Variants in DGKB observed in about 807,000 individuals in gnomAD.
The protein encoded by DGKB is diacylglycerol kinase beta, also known as 90 kDa diacylglycerol kinase.
DGKB carries 67 observed loss-of-function variants against 114.3 expected under a neutral mutation model. That is an observed-to-expected ratio of 0.59 (90% CI 0.48 to 0.72). DGKB has a LOEUF of 0.72. Among genes scored for constraint, DGKB ranks in the 30% least tolerant of loss-of-function variants. The probability of loss-of-function intolerance (pLI) is 0.00; values close to 1 mark genes in which losing one functional copy is unlikely to be tolerated. For missense variants in DGKB, 907 were observed against 975.2 expected, an observed-to-expected ratio of 0.93 and a Z score of 0.93; for synonymous variants, 398 against 323.1, an observed-to-expected ratio of 1.23 and a Z score of -2.49.
At chr7:14,761,349 G>A (rs1835670559) in intron 2 of DGKB, among the ~76,000 whole-genome samples, 1 of 152,076 alleles carries the variant, frequency 6.6e-6, no homozygotes, top group Non-Finnish European at 1.5e-5. Flanking sequence ...ATGTCTTCTT[G>A]GACACCCAAA....
chr7:14,451,548 T>A (rs890700430), intron 21 of DGKB, among the ~76,000 whole-genome samples: 2 of 122,746 alleles, frequency 1.6e-5, no homozygotes, highest in East Asian at 4.0e-4. Context: ...TCTATCTGTC[T>A]CTCTCTCTCT....
At chr7:14,831,932 T>C (rs939899405) in intron 2 of DGKB, among the ~76,000 whole-genome samples, 3 of 150,928 alleles carry the variant, frequency 2.0e-5, no homozygotes, top group African/African-American at 4.9e-5. Context: ...CCAAAGCAAA[T>C]TGCAAAATTC....
intron 20 of DGKB, among the ~76,000 whole-genome samples, chr7:14,559,676 GA>G (rs1368251608): frequency 6.6e-6 from 1 of 152,058 alleles, no homozygotes; most frequent in East Asian, 1.9e-4. Flanking sequence ...TTGATGCATT[GA>G]AAATAAAATA....
chr7:14,725,291 G>A (rs1829851825), intron 5 of DGKB, among the ~76,000 whole-genome samples: 1 of 152,126 alleles, frequency 6.6e-6, no homozygotes, highest in Non-Finnish European at 1.5e-5. Flanking sequence ...AAATAGCAGT[G>A]GATAGCTAGT....
At chr7:14,879,265 G>T (rs1235343179) in intron 1 of DGKB, among the ~76,000 whole-genome samples, 2 of 151,746 alleles carry the variant, frequency 1.3e-5, no homozygotes, top group Non-Finnish European at 2.9e-5. Flanking sequence ...TTCCTGATTT[G>T]TCTATGTTAG....
chr7:14,860,663 T>C (rs114281013), intron 1 of DGKB, among the ~76,000 whole-genome samples: 3 of 151,956 alleles, frequency 2.0e-5, no homozygotes, highest in African/African-American at 7.2e-5. Context: ...AGATGATTTT[T>C]ACTGTTAGTT....
chr7:14,163,307 A>G (rs1324876689), intron 25 of DGKB, among the ~76,000 whole-genome samples: 6 of 152,184 alleles, frequency 3.9e-5, no homozygotes, highest in Non-Finnish European at 7.3e-5. Context: ...CTTGAGGGCC[A>G]GAAAGCATAC....
chr7:14,764,712 G>T (rs1466393250), intron 2 of DGKB, among the ~76,000 whole-genome samples: 1 of 151,506 alleles, frequency 6.6e-6, no homozygotes, highest in Non-Finnish European at 1.5e-5. Context: ...TCCTATGTAT[G>T]AATATATATT....
At chr7:14,506,870 G>A (rs1020969732) in intron 20 of DGKB, among the ~76,000 whole-genome samples, 1 of 152,148 alleles carries the variant, frequency 6.6e-6, no homozygotes. Flanking sequence ...TCTGGCCAGT[G>A]GATTGTAAGT....
chr7:14,404,922 T>C (rs1823700775), intron 21 of DGKB, among the ~76,000 whole-genome samples: 2 of 151,860 alleles, frequency 1.3e-5, no homozygotes, highest in South Asian at 4.1e-4. Flanking sequence ...TTCAGACCAG[T>C]GCTGTGTCCC....
At chr7:14,264,271 A>G (rs1340469006) in intron 23 of DGKB, among the ~76,000 whole-genome samples, 2 of 152,192 alleles carry the variant, frequency 1.3e-5, no homozygotes, top group African/African-American at 4.8e-5. Flanking sequence ...TCTTCTTAGG[A>G]TTAATGCATT....
intron 21 of DGKB, among the ~76,000 whole-genome samples, chr7:14,372,059 T>G (rs1209613505): frequency 6.6e-6 from 1 of 152,126 alleles, no homozygotes; most frequent in Admixed American, 6.6e-5. Flanking sequence ...CCAAGTGCCT[T>G]TCTCTTTCAG....
At chr7:14,446,994 C>A (rs765393039) in intron 21 of DGKB, among the ~76,000 whole-genome samples, 1 of 152,132 alleles carries the variant, frequency 6.6e-6, no homozygotes, top group East Asian at 1.9e-4. Context: ...AACTTAGGCA[C>A]AGGCACAATA....
chr7:14,788,552 T>A (rs762038308), intron 2 of DGKB, among the ~76,000 whole-genome samples: 13 of 152,270 alleles, frequency 8.5e-5, no homozygotes, highest in South Asian at 4.1e-4. Flanking sequence ...TGTGCCACTA[T>A]CCACTTACCC....
intron 21 of DGKB, among the ~76,000 whole-genome samples, chr7:14,477,634 T>C (rs1230475048): frequency 6.6e-6 from 1 of 152,180 alleles, no homozygotes; most frequent in African/African-American, 2.4e-5. Context: ...ATTGCTCTTA[T>C]GAGGAAAGAA....
At chr7:14,575,600 T>C (rs1346474307) in intron 19 of DGKB, among the ~76,000 whole-genome samples, 1 of 152,178 alleles carries the variant, frequency 6.6e-6, no homozygotes, top group Non-Finnish European at 1.5e-5. Context: ...ACATGAGTCC[T>C]AAAACAGAGA....
chr7:14,914,843 GA>G (rs35626148), intron 1 of DGKB, among the ~76,000 whole-genome samples: 84,128 of 148,980 alleles, frequency 0.56, 26,003 homozygotes, highest in East Asian at 0.92. Context: ...CTAGAAATTA[GA>G]AAAAAAAAAC....
chr7:14,952,683 G>A (rs1186231015), intron 1 of DGKB, among the ~76,000 whole-genome samples: 1 of 151,950 alleles, frequency 6.6e-6, no homozygotes, highest in African/African-American at 2.4e-5. Flanking sequence ...TTGAACCTGG[G>A]AGGAAGAGGT....
At chr7:14,807,701 C>G (rs760244985) in intron 2 of DGKB, among the ~76,000 whole-genome samples, 1 of 151,948 alleles carries the variant, frequency 6.6e-6, no homozygotes, top group Non-Finnish European at 1.5e-5. Context: ...GAAGCTCTTG[C>G]TTTCGATGAT....
Sources: gnomAD v4.1 joint callset for allele counts (sites outside exome capture counted in the v4.1 genomes callset) on GRCh38, gnomAD v4.1.1 for gene constraint, MANE v1.5 for transcripts, NCBI Gene and HGNC (gene_info 2026-07-23, HGNC 2026-07-21) for gene names.